Variants in CUX1 observed in about 807,000 individuals in gnomAD.
The protein encoded by CUX1 is cut like homeobox 1, also known as protein CASP.
A neutral mutation model predicts 158.8 loss-of-function variants in CUX1; 31 were observed. That is an observed-to-expected ratio of 0.20 (90% CI 0.15 to 0.26). The LOEUF is 0.26. CUX1 is among the 10% of genes least tolerant of loss of function. CUX1 has a pLI of 1.00. For missense variants in CUX1, 1,589 were observed against 2,014.6 expected (o/e 0.79, Z 4.04); for synonymous variants, 879 against 862.1 (o/e 1.02, Z -0.34).
At chr7:102,229,302 C>CTTTTT (rs11348387) in intron 21 of CUX1, among the ~76,000 whole-genome samples, 1 of 120,970 alleles carries the variant, frequency 8.3e-6, no homozygotes, top group African/African-American at 3.1e-5. Context: ...GGTGTTTCAT[C>CTTTTT]TTTTTTTTTT....
At chr7:101,903,060 T>C (rs1802331605) in intron 1 of CUX1, among the ~76,000 whole-genome samples, 1 of 152,224 alleles carries the variant, frequency 6.6e-6, no homozygotes, top group Non-Finnish European at 1.5e-5. Context: ...GTGAGTCACA[T>C]TCATGCGAAG....
intron 4 of CUX1, among the ~76,000 whole-genome samples, chr7:102,096,932 C>T (rs201455): frequency 0.61 from 92,092 of 152,120 alleles, 29,746 homozygotes; most frequent in African/African-American, 0.79. Context: ...GTGTCACTTC[C>T]AGCCTCATAA....
chr7:102,222,977 T>C (rs1554527544), intron 20 of CUX1, among the ~76,000 whole-genome samples: 1 of 151,446 alleles, frequency 6.6e-6, no homozygotes, highest in Non-Finnish European at 1.5e-5. Context: ...CTAATTTTTG[T>C]ATTTTTAGTA....
intron 3 of CUX1, among the ~76,000 whole-genome samples, chr7:102,059,500 C>T (rs1181606183): frequency 3.3e-5 from 5 of 151,796 alleles, no homozygotes; most frequent in East Asian, 1.9e-4. Flanking sequence ...GGCGTGGTGG[C>T]AGGTGCCTGT....
At chr7:102,089,126 G>A (rs575902991) in intron 4 of CUX1, among the ~76,000 whole-genome samples, 5 of 151,982 alleles carry the variant, frequency 3.3e-5, no homozygotes, top group African/African-American at 1.2e-4. Context: ...CTATTGTTCA[G>A]CCAATCAAGT....
chr7:101,891,608 A>G (rs1800885813), intron 1 of CUX1, among the ~76,000 whole-genome samples: 1 of 152,198 alleles, frequency 6.6e-6, no homozygotes, highest in Non-Finnish European at 1.5e-5. Context: ...GAGATCAATA[A>G]GACAGCCCGT....
Position 102,254,528 on chromosome 7 carries a change from C to T in CUX1, c.*5486C>T. The T allele has an allele frequency of 1.0e-6, 1 of 985,496 alleles. No homozygotes were observed. Among genetic ancestry groups the T allele is most frequent in the Non-Finnish European group, 1.2e-6 (1 of 829,986 alleles). 61.0% of individuals were successfully genotyped at this position (985,496 alleles called of 1,614,324 possible). ...CACCGAAGAAAATCAGCTCCTGGGG[C>T]TGGTGGTTGGAGGTGGGTCTGTCCA... On this transcript the variant is annotated 3_prime_UTR_variant, in exon 24 of 24. Coordinates refer to ENST00000292535, the MANE Select transcript of CUX1 (RefSeq NM_181552.4).
Position 102,113,535 on chromosome 7 carries a change from C to T in CUX1, c.608-1672C>T, listed in dbSNP as rs1831148744. Among the ~76,000 whole-genome samples the T allele has an allele frequency of 2.0e-5, 3 of 152,284 alleles. No homozygotes were observed. The South Asian group carries it at 6.2e-4, about 32-fold the overall frequency. ...CCTCCGAAAGTGCTAGGATTACAGGCATGAGCCACTGCACCCAGCCTAATT... is the reference window on the plus strand; with the variant it reads ...CCTCCGAAAGTGCTAGGATTACAGGTATGAGCCACTGCACCCAGCCTAATT... On this transcript the variant is annotated intron_variant, in intron 7 of 23. Coordinates refer to ENST00000292535, the MANE Select transcript of CUX1 (RefSeq NM_181552.4).
intron 20 of CUX1, chr7:102,280,885 C>T: frequency 6.2e-7 from 1 of 1,605,728 alleles, no homozygotes; most frequent in East Asian, 2.2e-5. Flanking sequence ...CTACCCACCC[C>T]CTCCCTGGAC....
intron 2 of CUX1, among the ~76,000 whole-genome samples, chr7:101,925,445 G>A (rs147279053): frequency 6.6e-6 from 1 of 152,170 alleles, no homozygotes; most frequent in Non-Finnish European, 1.5e-5. Context: ...AAACCCCCAG[G>A]GGTGAGGGGA....
rs140169027 is a variant in CUX1, at chr7:102,239,483, G to T, written c.3786G>T (p.Ala1262=). The T allele has an allele frequency of 3.1e-6, 5 of 1,614,014 alleles. No homozygotes were observed. Among genetic ancestry groups the T allele is most frequent in the Admixed American group, 1.7e-5 (1 of 60,010 alleles). The change falls in exon 23 of 24, where the codon GCG becomes GCT. Residue 1262 remains alanine, a synonymous_variant. Transcript: ENST00000292535. ...APEEKEALKR[A]YQQKPYPSPK... is the part of the protein sequence containing the mutation. Reference sequence around the variant, plus strand: ...AGGAGAAGGAGGCGCTGAAACGAGCGTATCAGCAAAAGCCATACCCGTCAC... The same window carrying T: ...AGGAGAAGGAGGCGCTGAAACGAGCTTATCAGCAAAAGCCATACCCGTCAC...
intron 1 of CUX1, among the ~76,000 whole-genome samples, chr7:101,909,141 G>T (rs2131836192): frequency 6.6e-6 from 1 of 151,870 alleles, no homozygotes; most frequent in South Asian, 2.1e-4. Context: ...GAGGCCAGGA[G>T]TCCAGTTCAG....
intron 5 of CUX1, among the ~76,000 whole-genome samples, chr7:102,097,730 C>T (rs1554484822): frequency 1.3e-5 from 2 of 152,092 alleles, no homozygotes; most frequent in African/African-American, 4.8e-5. Flanking sequence ...TTTTATTGCC[C>T]TCTGATGAGA....
At chr7:102,229,768 C>T (rs1586343102) in intron 21 of CUX1, among the ~76,000 whole-genome samples, 3 of 152,034 alleles carry the variant, frequency 2.0e-5, no homozygotes, top group Admixed American at 2.0e-4. Flanking sequence ...CAGGTGCCCA[C>T]CACCACGCCT....
At chr7:101,837,149 C>T (rs1050771395) in intron 1 of CUX1, among the ~76,000 whole-genome samples, 3 of 152,098 alleles carry the variant, frequency 2.0e-5, no homozygotes, top group Admixed American at 6.6e-5. Context: ...TGCACTTGTC[C>T]GGGGTGCAGG....
intron 10 of CUX1, among the ~76,000 whole-genome samples, chr7:102,177,476 A>G (rs557812892): frequency 2.5e-4 from 38 of 152,196 alleles, no homozygotes; most frequent in African/African-American, 9.2e-4. Flanking sequence ...TTTGTCAGAC[A>G]ATATCTCAGC....
At chr7:101,911,212 G>A (rs1468078007) in intron 1 of CUX1, among the ~76,000 whole-genome samples, 1 of 152,284 alleles carries the variant, frequency 6.6e-6, no homozygotes, top group Non-Finnish European at 1.5e-5. Flanking sequence ...CCCTGTGGTG[G>A]ATGATCTGAG....
intron 5 of CUX1, among the ~76,000 whole-genome samples, chr7:102,103,998 G>A (rs1210936981): frequency 2.6e-5 from 4 of 151,942 alleles, no homozygotes; most frequent in African/African-American, 9.7e-5. Context: ...CTCAGTTACA[G>A]GACTAATTTA....
chr7:101,855,865 G>C (rs1416136640), intron 1 of CUX1, among the ~76,000 whole-genome samples: 2 of 116,492 alleles, frequency 1.7e-5, no homozygotes, highest in Non-Finnish European at 3.4e-5. Flanking sequence ...GCGGTAGAAG[G>C]AGTTTCCAGC....
Sources: allele counts gnomAD v4.1 joint callset (sites outside exome capture counted in the v4.1 genomes callset), GRCh38; gene constraint gnomAD v4.1.1; transcripts MANE v1.5; gene names NCBI Gene and HGNC (gene_info 2026-07-23, HGNC 2026-07-21).